Variants in CATSPER1 observed in about 807,000 individuals in gnomAD.
CATSPER1 encodes the protein cation channel sperm-associated protein 1.
In CATSPER1, 57 loss-of-function variants were observed where a neutral mutation model predicts 72.7. The observed-to-expected ratio is 0.78, with a 90% CI of 0.63 to 0.98. The LOEUF is 0.98. Among genes scored for constraint, CATSPER1 ranks in the 50% least tolerant of loss-of-function variants. The probability of loss-of-function intolerance (pLI) is 0.00; values close to 1 mark genes in which losing one functional copy is unlikely to be tolerated. For synonymous variants in CATSPER1, 363 were observed against 403.0 expected, an observed-to-expected ratio of 0.90 and a Z score of 1.19; for missense variants, 910 against 1,033.9, an observed-to-expected ratio of 0.88 and a Z score of 1.64.
chr11:66,017,004 G>C (rs889918442), intron 11 of CATSPER1, 56 bp downstream of exon 11: 4 of 1,612,388 alleles, frequency 2.5e-6, no homozygotes, highest in African/African-American at 2.7e-5. Context: ...GCCATTTCTG[G>C]CTACAAGCCC....
intron 10 of CATSPER1, 40 bp downstream of exon 10, chr11:66,018,787 C>T (rs999523829): frequency 1.2e-6 from 2 of 1,607,650 alleles, no homozygotes; most frequent in East Asian, 4.5e-5. Context: ...CCAGGCCTCA[C>T]CCTCAGACCC....
rs750837299 is a variant in CATSPER1, at chr11:66,020,165, G to A, written c.2100C>T (p.Asp700=). Residue 700 remains aspartate (D), a synonymous_variant, in exon 9 of 12, where the codon GAC becomes GAT. Coordinates refer to ENST00000312106, the MANE Select transcript of CATSPER1 (RefSeq NM_053054.4). This position sits in a 1 kb window ranked among gnomAD's most constrained non-coding sequence, Gnocchi z 4.5. ...AARIQEKLLE[D]SLTELRAAEP... ...CTGCAGCTCTGAGCTCCGTCAGTGA[G>A]TCTTCCAGCAGCTTCTCTTGGATCC... 5.0e-6 allele frequency: 8 copies of A among 1,613,450 alleles called. No homozygotes were observed. Among genetic ancestry groups the A allele is most frequent in the Non-Finnish European group, 5.1e-6 (6 of 1,180,032 alleles).
At chr11:66,024,405 G>A (rs772232415) in intron 1 of CATSPER1, among the ~76,000 whole-genome samples, 1 of 150,150 alleles carries the variant, frequency 6.7e-6, no homozygotes, top group Non-Finnish European at 1.5e-5. Context: ...AGCCTCCCAA[G>A]TAGCTGGGAT....
chr11:66,021,589 G>A lies in CATSPER1; in HGVS notation c.1598C>T (p.Ser533Phe). The A allele has an allele frequency of 6.2e-7, 1 of 1,612,454 alleles. No homozygotes were observed. Among genetic ancestry groups the A allele is most frequent in the Non-Finnish European group, 8.5e-7 (1 of 1,179,278 alleles). Residue 533 changes from serine (S) to phenylalanine (F), a missense_variant, in exon 4 of 12, where the codon TCC becomes TTC. Physicochemically the swap from Ser to Phe is radical, Grantham distance 155. Transcript: ENST00000312106. ...GAGGCTTTGGTGGTAGATGGCGAAG[G>A]AGTGGGTCTGCATCAGCAAGAAGTC... ...VLDFLLMQTH[S>F]FAIYHQSLFR... is the part of the protein sequence containing the mutation.
chr11:66,016,924 G>A lies in CATSPER1; in HGVS notation c.2317-8C>T. On this transcript the variant is annotated splice_polypyrimidine_tract_variant and splice_region_variant and intron_variant, in intron 11 of 11. Coordinates refer to ENST00000312106, the MANE Select transcript of CATSPER1 (RefSeq NM_053054.4). Reference sequence around the variant, plus strand: ...GAAGTCCTCTTCTCCAGCCTGCAGGGGTGAGTGGGGCACTGGTGGGTGAAT... The same window carrying A: ...GAAGTCCTCTTCTCCAGCCTGCAGGAGTGAGTGGGGCACTGGTGGGTGAAT... The A allele has an allele frequency of 6.2e-7, 1 of 1,614,066 alleles. No individual in the cohort carries two copies. The highest frequency in any genetic ancestry group is 8.5e-7 in the Non-Finnish European group (1 of 1,179,972).
intron 1 of CATSPER1, 124 bp downstream of exon 1, chr11:66,025,040 G>T: frequency 8.7e-7 from 1 of 1,150,098 alleles, no homozygotes; most frequent in East Asian, 2.4e-5. Context: ...TGAATAGCCA[G>T]TGGGGGACCT....
In CATSPER1 at chr11:66,025,680, C is replaced by A. The variant is rs1403546030; in HGVS notation, c.700G>T (p.Ala234Ser). ...HHHGRSRHHE[A>S]HQHGKSPHHG... ...TGAGGAGACTTTCCATGCTGGTGGG[C>A]TTCATGATGACGGGACCTGCCATGG... Residue 234 changes from alanine to serine, a missense_variant, in exon 1 of 12, where the codon GCC becomes TCC. Coordinates refer to ENST00000312106, the MANE Select transcript of CATSPER1 (RefSeq NM_053054.4). 1 of 1,613,952 alleles carries A rather than the reference C, an allele frequency of 6.2e-7. No individual in the cohort carries two copies.
At chr11:66,018,123 G>A (rs914784705) in intron 10 of CATSPER1, among the ~76,000 whole-genome samples, 5 of 151,354 alleles carry the variant, frequency 3.3e-5, no homozygotes, top group Non-Finnish European at 5.9e-5. Context: ...TGGGAGAATC[G>A]CTTGAACCCA....
Position 66,025,633 on chromosome 11 carries a change from A to G in CATSPER1, c.747T>C (p.Pro249=). Residue 249 remains proline, a synonymous_variant, in exon 1 of 12, where the codon CCT becomes CCC. Transcript: ENST00000312106. ...GCTGGTAGGACCCCACAGAGGAATG[A>G]GGGGAAATGGTCTCTCCGTGATGAG... The part of the protein sequence containing the change: ...KSPHHGETIS[P]HSSVGSYQRG... 6.2e-7 allele frequency: 1 copy of G among 1,613,334 alleles called. No individual in the cohort carries two copies. Among genetic ancestry groups the G allele is most frequent in the African/African-American group, 1.3e-5 (1 of 74,900 alleles).
chr11:66,016,838 C>T lies in CATSPER1; in HGVS notation c.*52G>A, dbSNP rs1255168259. ...ATCTGGGGACCCGTCCCAGTGCACC[C>T]AGGTGGGCAGACTGCCAGGGGCTGA... On this transcript the variant is annotated 3_prime_UTR_variant, in exon 12 of 12. Transcript: ENST00000312106. 2 of 1,594,984 alleles carry T rather than the reference C, an allele frequency of 1.3e-6. No homozygotes were observed. The highest frequency in any genetic ancestry group is 2.2e-5 in the East Asian group (1 of 44,686).
Position 66,016,846 on chromosome 11 carries a change from C to T in CATSPER1, c.*44G>A. 2 of 1,601,594 alleles carry T rather than the reference C, an allele frequency of 1.2e-6. No individual in the cohort carries two copies. Among genetic ancestry groups the T allele is most frequent in the Non-Finnish European group, 1.7e-6 (2 of 1,172,430 alleles). ...ACCCGTCCCAGTGCACCCAGGTGGG[C>T]AGACTGCCAGGGGCTGAAGTCTGTA... On this transcript the variant is annotated 3_prime_UTR_variant, in exon 12 of 12. Coordinates refer to ENST00000312106, the MANE Select transcript of CATSPER1 (RefSeq NM_053054.4).
intron 10 of CATSPER1, among the ~76,000 whole-genome samples, chr11:66,017,391 T>G (rs1293578103): frequency 6.6e-6 from 1 of 152,116 alleles, no homozygotes; most frequent in Non-Finnish European, 1.5e-5. Context: ...TTGTTTATCT[T>G]CCTAACCACC....
chr11:66,017,174 C>CTTGCCACCAG lies in CATSPER1; in HGVS notation c.2202-1_2202insCTGGTGGCAA (p.Lys734AsnfsTer35). On this transcript the variant is annotated frameshift_variant and splice_region_variant. Coordinates refer to ENST00000312106, the MANE Select transcript of CATSPER1 (RefSeq NM_053054.4). LOFTEE classifies it high-confidence loss of function. ...GGTAATGGAACAGGAGCTCCTGCTGCCTGCGGGTGGGCGGGGGGGTCGCAG... is the reference window on the plus strand; with the variant it reads ...GGTAATGGAACAGGAGCTCCTGCTGCTTGCCACCAGCTGCGGGTGGGCGGGGGGGTCGCAG... 1 of 555,662 alleles carries CTTGCCACCAG rather than the reference C, an allele frequency of 1.8e-6. No individual in the cohort carries two copies. The highest frequency in any genetic ancestry group is 3.4e-6 in the Non-Finnish European group (1 of 293,704). The allele number at this position is 555,662 out of a possible 1,614,324, so 34.4% of individuals were successfully genotyped here.
Position 66,017,193 on chromosome 11 carries a change from G to GGGGGGGT in CATSPER1, c.2202-20_2202-19insACCCCCC. 2.0e-6 allele frequency: 1 copy of GGGGGGGT among 493,814 alleles called. No homozygotes were observed. The highest frequency in any genetic ancestry group is 2.5e-5 in the Admixed American group (1 of 40,530). 30.6% of individuals were successfully genotyped at this position (493,814 alleles called of 1,614,324 possible). On this transcript the variant is annotated intron_variant, in intron 10 of 11. Coordinates refer to ENST00000312106, the MANE Select transcript of CATSPER1 (RefSeq NM_053054.4). Reference sequence around the variant, plus strand: ...CTGCTGCCTGCGGGTGGGCGGGGGGGTCGCAGAGACAGGGGCTGGGCTGAC... The same window carrying GGGGGGGT: ...CTGCTGCCTGCGGGTGGGCGGGGGGGGGGGGGTTCGCAGAGACAGGGGCTGGGCTGAC...
In CATSPER1 at chr11:66,025,963, A is replaced by T. The variant is rs1047992415; in HGVS notation, c.417T>A (p.Ser139Arg). Residue 139 changes from serine to arginine, a missense_variant, in exon 1 of 12, where the codon AGT (serine) becomes AGA (arginine). Physicochemically the swap from Ser to Arg is moderately radical, Grantham distance 110. Transcript: ENST00000312106. ...GSQYGGFHQQ[S>R]DSHYHRGSHH... is the part of the protein sequence containing the mutation. ...GAGACCCCCTATGGTAATGGGAGTC[A>T]CTCTGCTGATGGAACCCACCGTATT... 1 of 1,613,110 alleles carries T rather than the reference A, an allele frequency of 6.2e-7. No individual in the cohort carries two copies. Among genetic ancestry groups the T allele is most frequent in the African/African-American group, 1.3e-5 (1 of 74,564 alleles).
At position 66,017,254 on chromosome 11, in the gene CATSPER1, A is replaced by G. The variant is rs1484815731; in HGVS notation, c.2202-80T>C. 3.9e-6 allele frequency: 4 copies of G among 1,020,686 alleles called. No homozygotes were observed. The Admixed American group carries it at 8.2e-5, about 21-fold the overall frequency. 63.2% of individuals were successfully genotyped at this position (1,020,686 alleles called of 1,614,324 possible). On this transcript the variant is annotated intron_variant, in intron 10 of 11. Transcript: ENST00000312106. ...GGCCTACTGCACCCCAGAACCACCCAGAGGCTCTTCTTGCCTGCCTCCTCC... is the reference window on the plus strand; with the variant it reads ...GGCCTACTGCACCCCAGAACCACCCGGAGGCTCTTCTTGCCTGCCTCCTCC...
rs1055684410 is a variant in CATSPER1 at position 66,021,632 on chromosome 11, T to C, written c.1555A>G (p.Met519Val). 2 of 1,607,646 alleles carry C rather than the reference T, an allele frequency of 1.2e-6. No individual in the cohort carries two copies. Among genetic ancestry groups the C allele is most frequent in the Non-Finnish European group, 8.5e-7 (1 of 1,176,814 alleles). Residue 519 changes from methionine (M) to valine (V), a missense_variant, in exon 4 of 12, where the codon ATG (methionine) becomes GTG (valine). Transcript: ENST00000312106. ...AAGAAGTCCAGCACGGCCATGGCCATAATGAAGAAGTCTGAGGGCACGGGG... is the reference window on the plus strand; with the variant it reads ...AAGAAGTCCAGCACGGCCATGGCCACAATGAAGAAGTCTGAGGGCACGGGG... ...DFWNNLDFFI[M>V]AMAVLDFLLM... is the part of the protein sequence containing the mutation.
At position 66,017,184 on chromosome 11, in the gene CATSPER1, GGC is replaced by G; in HGVS notation, c.2202-12_2202-11del. 2.0e-6 allele frequency: 3 copies of G among 1,520,916 alleles called. No homozygotes were observed. The highest frequency in any genetic ancestry group is 2.3e-5 in the East Asian group (1 of 42,564). The allele number at this position is 1,520,916 out of a possible 1,614,324, so 94.2% of individuals were successfully genotyped here. A position where few individuals can be genotyped will look rare whatever the true frequency, so the allele number is the denominator to read the frequency against. ...CAGGAGCTCCTGCTGCCTGCGGGTG[GGC>G]GGGGGGGTCGCAGAGACAGGGGCTG... On this transcript the variant is annotated splice_polypyrimidine_tract_variant and intron_variant, in intron 10 of 11. Transcript: ENST00000312106.
Position 66,025,152 on chromosome 11 carries a change from G to A in CATSPER1, c.1216+12C>T, listed in dbSNP as rs576539953. On this transcript the variant is annotated intron_variant, in intron 1 of 11. Transcript: ENST00000312106. Reference sequence around the variant, plus strand: ...AGCAGGAGTTGGCATGGGGGGCCCAGCAAAGACTCACTTTTGCGTTTCTGA... The same window carrying A: ...AGCAGGAGTTGGCATGGGGGGCCCAACAAAGACTCACTTTTGCGTTTCTGA... 1.5e-5 allele frequency: 24 copies of A among 1,614,084 alleles called. No individual in the cohort carries two copies. The East Asian group carries it at 4.2e-4, about 28-fold the overall frequency.
Sources: gnomAD v4.1 joint callset for allele counts (sites outside exome capture counted in the v4.1 genomes callset) on GRCh38, gnomAD v4.1.1 for gene constraint, Gnocchi (gnomAD v3.1) non-coding constraint, MANE v1.5 for transcripts, NCBI Gene and HGNC (gene_info 2026-07-23, HGNC 2026-07-21) for gene names.